The following LPP variants were observed in gnomAD, a reference collection of about 807,000 sequenced individuals.
LPP encodes the protein LIM domain containing preferred translocation partner in lipoma.
Under a neutral mutation model 60.4 loss-of-function variants are expected in LPP, and 38 were observed. The observed-to-expected ratio is 0.63, with a 90% CI of 0.49 to 0.83. The LOEUF (loss-of-function observed/expected upper bound fraction) is 0.83, where lower values mean the gene tolerates loss of function less well. Ranked by LOEUF, LPP falls within the 40% of genes least tolerant of loss-of-function variation. The probability of loss-of-function intolerance (pLI) is 0.00; values close to 1 mark genes in which losing one functional copy is unlikely to be tolerated. For missense variants in LPP, 902 were observed against 783.6 expected (o/e 1.15, Z -1.80); for synonymous variants, 328 against 290.8 (o/e 1.13, Z -1.30).
At chr3:188,502,993 A>G (rs1163079656) in intron 5 of LPP, among the ~76,000 whole-genome samples, 4 of 152,104 alleles carry the variant, frequency 2.6e-5, no homozygotes. Flanking sequence ...TATAAAATTT[A>G]TAAGATTATA....
chr3:188,316,245 T>C (rs1379656076), intron 2 of LPP, among the ~76,000 whole-genome samples: 1 of 152,120 alleles, frequency 6.6e-6, no homozygotes, highest in African/African-American at 2.4e-5. Context: ...GCCATTGCAC[T>C]CCAGCCTGGA....
At chr3:188,175,336 G>A (rs1722771635) in intron 1 of LPP, among the ~76,000 whole-genome samples, 1 of 152,044 alleles carries the variant, frequency 6.6e-6, no homozygotes, top group South Asian at 2.1e-4. Context: ...TGAGCCGCCT[G>A]CTTGGCCTCC....
At chr3:188,507,826 G>T (rs1029714432) in intron 5 of LPP, among the ~76,000 whole-genome samples, 5 of 152,176 alleles carry the variant, frequency 3.3e-5, no homozygotes, top group African/African-American at 1.2e-4. Flanking sequence ...TTTTGCTTAA[G>T]CTGTTCCTTT....
chr3:188,482,647 T>A (rs528987060), intron 4 of LPP, among the ~76,000 whole-genome samples: 124 of 152,294 alleles, frequency 8.1e-4, no homozygotes, highest in Non-Finnish European at 1.6e-3. Flanking sequence ...TTCGAATGTG[T>A]TTCTTTGGTG....
chr3:188,172,074 G>A (rs980294878), intron 1 of LPP, among the ~76,000 whole-genome samples: 1 of 152,186 alleles, frequency 6.6e-6, no homozygotes, highest in African/African-American at 2.4e-5. Flanking sequence ...GCGAGGTTTG[G>A]TTCTTCTCCA....
At chr3:188,702,625 T>C (rs1227939044) in intron 7 of LPP, among the ~76,000 whole-genome samples, 4 of 152,192 alleles carry the variant, frequency 2.6e-5, no homozygotes, top group African/African-American at 9.6e-5. Flanking sequence ...TCCTCTAAAA[T>C]CTGTCGCTCA....
At chr3:188,758,580 G>C (rs1463150423) in intron 8 of LPP, among the ~76,000 whole-genome samples, 2 of 152,190 alleles carry the variant, frequency 1.3e-5, no homozygotes, top group South Asian at 2.1e-4. Context: ...AATACAACTG[G>C]AGAGGATTAG....
At chr3:188,717,934 C>T (rs1206537040) in intron 8 of LPP, among the ~76,000 whole-genome samples, 5 of 152,228 alleles carry the variant, frequency 3.3e-5, no homozygotes, top group African/African-American at 7.2e-5. Context: ...TCTCCTGCCT[C>T]AGCCTCCCAG....
At chr3:188,483,650 G>C (rs1054562393) in intron 4 of LPP, among the ~76,000 whole-genome samples, 1 of 152,140 alleles carries the variant, frequency 6.6e-6, no homozygotes, top group Admixed American at 6.6e-5. Flanking sequence ...AGATCACAGA[G>C]ATCAGGTTCA....
At chr3:188,825,093 G>C (rs1004433089) in intron 9 of LPP, among the ~76,000 whole-genome samples, 1 of 152,152 alleles carries the variant, frequency 6.6e-6, no homozygotes, top group African/African-American at 2.4e-5. Context: ...GAGTTTGAAA[G>C]TTCTTTTTAA....
chr3:188,207,475 G>T (rs537953729), intron 1 of LPP, among the ~76,000 whole-genome samples: 3 of 151,618 alleles, frequency 2.0e-5, no homozygotes, highest in Non-Finnish European at 4.4e-5. Flanking sequence ...CAGGTGATCC[G>T]CCTGCCTCGG....
intron 7 of LPP, among the ~76,000 whole-genome samples, chr3:188,667,679 T>A (rs1237355580): frequency 2.0e-5 from 3 of 149,414 alleles, no homozygotes; most frequent in Non-Finnish European, 4.4e-5. Flanking sequence ...TGTGCTAATC[T>A]TTTTTGTTTT....
intron 4 of LPP, among the ~76,000 whole-genome samples, chr3:188,446,034 TC>T (rs1795149761): frequency 2.0e-5 from 3 of 152,370 alleles, no homozygotes; most frequent in African/African-American, 7.2e-5. Context: ...CCACTGTTTT[TC>T]TTTTTCAGTA....
At chr3:188,482,423 G>T (rs1036656997) in intron 4 of LPP, among the ~76,000 whole-genome samples, 2 of 152,072 alleles carry the variant, frequency 1.3e-5, no homozygotes, top group Non-Finnish European at 2.9e-5. Flanking sequence ...ACCTTTAAAG[G>T]CAGTAAAAAA....
intron 10 of LPP, among the ~76,000 whole-genome samples, chr3:188,871,344 T>C (rs941496602): frequency 6.6e-6 from 1 of 152,210 alleles, no homozygotes; most frequent in Non-Finnish European, 1.5e-5. Context: ...TTGCATAAAA[T>C]ACCAATTATA....
intron 7 of LPP, among the ~76,000 whole-genome samples, chr3:188,700,621 CCCCAAG>C (rs1430604570): frequency 2.0e-5 from 3 of 152,114 alleles, no homozygotes; most frequent in African/African-American, 7.2e-5. Context: ...TGATTTCATG[CCCCAAG>C]TGTAGTGAAA....
intron 2 of LPP, among the ~76,000 whole-genome samples, chr3:188,297,424 T>C (rs539020143): frequency 6.6e-6 from 1 of 152,320 alleles, no homozygotes; most frequent in African/African-American, 2.4e-5. Context: ...GATGGGAGGC[T>C]CTAATCAAGT....
Position 188,308,992 on chromosome 3 carries a change from CT to C in LPP, c.-66-32670del, listed in dbSNP as rs1266455251. ...CTTTCTCCTTCTCCTCCTCCCTCCT[CT>C]CCTTCTCCTTCTTCTTTTTCTTCTT... On this transcript the variant is annotated intron_variant, in intron 2 of 11. Coordinates refer to ENST00000617246, the MANE Select transcript of LPP (RefSeq NM_001375462.1). Among the ~76,000 whole-genome samples the C allele has an allele frequency of 5.3e-3, 787 of 147,570 alleles. 9 individuals are homozygous for C. The highest frequency in any genetic ancestry group is 0.019 in the African/African-American group (759 of 39,430).
intron 4 of LPP, among the ~76,000 whole-genome samples, chr3:188,441,898 C>A (rs1267919554): frequency 6.6e-6 from 1 of 151,978 alleles, no homozygotes; most frequent in Non-Finnish European, 1.5e-5. Context: ...GCTGGGATTA[C>A]AGGCGTGAGC....
Sources: allele counts gnomAD v4.1 joint callset (sites outside exome capture counted in the v4.1 genomes callset), GRCh38; gene constraint gnomAD v4.1.1; transcripts MANE v1.5; gene names NCBI Gene and HGNC (gene_info 2026-07-23, HGNC 2026-07-21).